The following LRRC4C variants were observed in gnomAD, a reference collection of about 807,000 sequenced individuals.
LRRC4C encodes the protein leucine rich repeat containing 4C, also known as leucine-rich repeat-containing protein 4C.
A neutral mutation model predicts 33.6 loss-of-function variants in LRRC4C; 5 were observed. The observed-to-expected ratio is 0.15, with a 90% CI of 0.08 to 0.31. The LOEUF is 0.31. Ranked by LOEUF, LRRC4C falls within the 10% of genes least tolerant of loss-of-function variation. The probability of loss-of-function intolerance (pLI) is 1.00; values close to 1 mark genes in which losing one functional copy is unlikely to be tolerated. For synonymous variants in LRRC4C, 329 were observed against 302.0 expected (o/e 1.09, Z -0.93); for missense variants, 560 against 796.7 (o/e 0.70, Z 3.58).
chr11:40,411,420 T>C (rs987181311), intron 3 of LRRC4C, among the ~76,000 whole-genome samples: 1 of 152,184 alleles, frequency 6.6e-6, no homozygotes, highest in East Asian at 1.9e-4. Context: ...AAAAACTCCA[T>C]TTGGTGTTTT....
chr11:40,630,668 C>T (rs1963410129), intron 3 of LRRC4C, among the ~76,000 whole-genome samples: 2 of 152,250 alleles, frequency 1.3e-5, no homozygotes, highest in South Asian at 4.1e-4. Context: ...TGCATAATAA[C>T]ATCTCAGTAT....
chr11:40,610,169 A>G (rs1298015274), intron 3 of LRRC4C, among the ~76,000 whole-genome samples: 1 of 151,992 alleles, frequency 6.6e-6, no homozygotes, highest in Non-Finnish European at 1.5e-5. Context: ...GCATATTAAA[A>G]TGATCACTCA....
intron 3 of LRRC4C, among the ~76,000 whole-genome samples, chr11:40,575,502 T>C (rs1021999814): frequency 6.6e-6 from 1 of 152,164 alleles, no homozygotes; most frequent in Non-Finnish European, 1.5e-5. Context: ...ACCCTACTTT[T>C]AAAATGTTAG....
chr11:40,347,687 C>G (rs887217700), intron 3 of LRRC4C, among the ~76,000 whole-genome samples: 1 of 152,224 alleles, frequency 6.6e-6, no homozygotes, highest in Non-Finnish European at 1.5e-5. Flanking sequence ...TGGCTCAGCG[C>G]AAACTCTGCC....
chr11:41,255,980 GA>G (rs1238161480), intron 1 of LRRC4C, among the ~76,000 whole-genome samples: 1 of 151,900 alleles, frequency 6.6e-6, no homozygotes, highest in African/African-American at 2.4e-5. Flanking sequence ...CTCATTTTAG[GA>G]AAAACAAAAG....
intron 3 of LRRC4C, among the ~76,000 whole-genome samples, chr11:40,404,495 C>T (rs1481776123): frequency 6.6e-6 from 1 of 152,132 alleles, no homozygotes; most frequent in African/African-American, 2.4e-5. Flanking sequence ...GCTTCTCGTC[C>T]TGCAATTCTC....
chr11:41,359,112 C>T lies in LRRC4C; in HGVS notation c.-496+100319G>A, dbSNP rs181071962. 3.1e-3 allele frequency among the ~76,000 whole-genome samples: 471 copies of T among 150,256 alleles called. 8 individuals are homozygous for T. Among genetic ancestry groups the T allele is most frequent in the Non-Finnish European group, 2.1e-3 (144 of 67,590 alleles). ...TGAAAAAAGACTAAATACTGGATTCCAACTACATGACATTCTGAAAAAGAA... is the reference window on the plus strand; with the variant it reads ...TGAAAAAAGACTAAATACTGGATTCTAACTACATGACATTCTGAAAAAGAA... On this transcript the variant is annotated intron_variant, in intron 1 of 6. Coordinates refer to ENST00000528697, the MANE Select transcript of LRRC4C (RefSeq NM_001258419.2).
chr11:40,865,802 A>G (rs1309503901), intron 2 of LRRC4C, among the ~76,000 whole-genome samples: 1 of 151,990 alleles, frequency 6.6e-6, no homozygotes, highest in African/African-American at 2.4e-5. Context: ...ACAGAGTGCA[A>G]ATAAAAGATT....
chr11:41,158,768 T>A (rs886297717), intron 1 of LRRC4C, among the ~76,000 whole-genome samples: 6 of 152,082 alleles, frequency 3.9e-5, no homozygotes, highest in African/African-American at 1.4e-4. Context: ...AATTATCAAA[T>A]GTTTGAAAAC....
At chr11:41,288,787 A>G (rs1463091368) in intron 1 of LRRC4C, among the ~76,000 whole-genome samples, 4 of 152,168 alleles carry the variant, frequency 2.6e-5, no homozygotes, top group Admixed American at 2.0e-4. Context: ...TCTTCCTCAA[A>G]TGTTACATCA....
At chr11:40,572,749 T>G (rs1184620333) in intron 3 of LRRC4C, among the ~76,000 whole-genome samples, 1 of 151,876 alleles carries the variant, frequency 6.6e-6, no homozygotes, top group Non-Finnish European at 1.5e-5. Flanking sequence ...GAGACAGGAG[T>G]CACACAGTGA....
chr11:40,123,506 C>T (rs1037555189), intron 6 of LRRC4C, among the ~76,000 whole-genome samples: 1 of 151,776 alleles, frequency 6.6e-6, no homozygotes, highest in East Asian at 1.9e-4. Flanking sequence ...GCTATAAATA[C>T]AATAAAATAC....
chr11:40,821,484 A>T (rs1236530527), intron 2 of LRRC4C, among the ~76,000 whole-genome samples: 1 of 151,576 alleles, frequency 6.6e-6, no homozygotes, highest in African/African-American at 2.4e-5. Context: ...TTGAAAAGTA[A>T]ATCCTTACAG....
At chr11:40,283,437 G>A (rs7933836) in intron 4 of LRRC4C, among the ~76,000 whole-genome samples, 4 of 151,774 alleles carry the variant, frequency 2.6e-5, no homozygotes, top group African/African-American at 9.7e-5. Flanking sequence ...AAAAAAAATT[G>A]CAATGTTTTA....
intron 1 of LRRC4C, among the ~76,000 whole-genome samples, chr11:41,089,062 A>C (rs1940210122): frequency 6.6e-6 from 1 of 152,044 alleles, no homozygotes; most frequent in Non-Finnish European, 1.5e-5. Flanking sequence ...TTATATATTA[A>C]CATAAAATTC....
chr11:41,416,960 C>G (rs1355315930), intron 1 of LRRC4C, among the ~76,000 whole-genome samples: 1 of 151,900 alleles, frequency 6.6e-6, no homozygotes, highest in Admixed American at 6.6e-5. Context: ...CACATTTCCC[C>G]AATGAAAATA....
In LRRC4C at chr11:40,704,240, C is replaced by A. The variant is rs549153274; in HGVS notation, c.-406-55962G>T. On this transcript the variant is annotated intron_variant, in intron 2 of 6. Coordinates refer to ENST00000528697, the MANE Select transcript of LRRC4C (RefSeq NM_001258419.2). ...CATCATTTTATATAAGGGACTTGAG[C>A]ATCCCTTCATTTTCATATCAGAGAA... Among the ~76,000 whole-genome samples, 10 of 152,226 alleles carry A rather than the reference C, an allele frequency of 6.6e-5. No individual in the cohort carries two copies. The South Asian group carries it at 1.9e-3, about 28-fold the overall frequency.
chr11:41,072,010 T>TA (rs963123092), intron 1 of LRRC4C, among the ~76,000 whole-genome samples: 1 of 152,098 alleles, frequency 6.6e-6, no homozygotes, highest in Non-Finnish European at 1.5e-5. Context: ...TGCAATTTCA[T>TA]AAAAAAACTT....
intron 1 of LRRC4C, among the ~76,000 whole-genome samples, chr11:41,034,569 A>G (rs555876943): frequency 7.2e-6 from 1 of 137,950 alleles, no homozygotes; most frequent in Non-Finnish European, 1.5e-5. Flanking sequence ...CCTTTTAAAA[A>G]TTTGTCTTTT....
Sources: allele counts gnomAD v4.1 joint callset (sites outside exome capture counted in the v4.1 genomes callset), GRCh38; gene constraint gnomAD v4.1.1; transcripts MANE v1.5; gene names NCBI Gene and HGNC (gene_info 2026-07-23, HGNC 2026-07-21).